ALKBH8: variants seen among roughly 807,000 people sequenced by gnomAD.
The protein encoded by ALKBH8 is tRNA (carboxymethyluridine(34)-5-O)-methyltransferase ALKBH8.
Under a neutral mutation model 59.8 loss-of-function variants are expected in ALKBH8, and 36 were observed. That is an observed-to-expected ratio of 0.60 (90% CI 0.46 to 0.79). ALKBH8 has a LOEUF of 0.79. ALKBH8 is among the 30% of genes least tolerant of loss of function. The pLI is 0.00. For synonymous variants in ALKBH8, 276 were observed against 273.6 expected (o/e 1.01, Z -0.09); for missense variants, 768 against 801.0 (o/e 0.96, Z 0.50).
intron 1 of ALKBH8, among the ~76,000 whole-genome samples, chr11:107,561,306 A>C (rs913851712): frequency 1.3e-5 from 2 of 152,162 alleles, no homozygotes; most frequent in Admixed American, 6.6e-5. Context: ...CAGACTCTAC[A>C]GTATGATTCC....
Position 107,556,801 on chromosome 11 carries a change from T to C in ALKBH8, c.332A>G (p.Gln111Arg). 1 of 1,427,450 alleles carries C rather than the reference T, an allele frequency of 7.0e-7. No homozygotes were observed. Among genetic ancestry groups the C allele is most frequent in the South Asian group, 1.7e-5 (1 of 58,964 alleles). The allele number at this position is 1,427,450 out of a possible 1,614,324, so 88.4% of individuals were successfully genotyped here. A position where few individuals can be genotyped will look rare whatever the true frequency, so the allele number is the denominator to read the frequency against. The change falls in exon 3 of 12, where the codon CAA (glutamine) becomes CGA (arginine). Residue 111 changes from glutamine to arginine, a missense_variant. Physicochemically the swap from Gln to Arg is conservative, Grantham distance 43. Coordinates refer to ENST00000428149, the MANE Select transcript of ALKBH8 (RefSeq NM_138775.3). ...NGKEVVDDLG[Q>R]KITLYLNFVE... Reference sequence around the variant, plus strand: ...AAAATTCAAATACAGAGTGATCTTTTGTCCTAAATCATCCACTACTTCTTT... The same window carrying C: ...AAAATTCAAATACAGAGTGATCTTTCGTCCTAAATCATCCACTACTTCTTT...
rs200920444 is a variant in ALKBH8 at position 107,556,863 on chromosome 11, T to C, written c.270A>G (p.Thr90=). The change falls in exon 3 of 12, where the codon ACA becomes ACG. Residue 90 remains threonine (T), a synonymous_variant. Coordinates refer to ENST00000428149, the MANE Select transcript of ALKBH8 (RefSeq NM_138775.3). ...KPYSFARYRT[T]EESKRAYVTL... ...TAACATAGGCTCTCTTAGATTCTTC[T>C]GTAGTTCTGTATCTTGCAAATGAGT... is the stretch of plus-strand genomic sequence containing the variant. 5.4e-5 allele frequency: 86 copies of C among 1,604,916 alleles called. No homozygotes were observed. In the Admixed American group the frequency reaches 1.1e-3, roughly 20 times the overall value.
intron 7 of ALKBH8, among the ~76,000 whole-genome samples, chr11:107,547,047 A>G (rs1416578043): frequency 6.6e-6 from 1 of 152,212 alleles, no homozygotes; most frequent in Non-Finnish European, 1.5e-5. Flanking sequence ...TATAACGTCA[A>G]TGACTTTAGC....
intron 7 of ALKBH8, among the ~76,000 whole-genome samples, chr11:107,544,937 T>TA (rs1261550641): frequency 2.1e-5 from 3 of 140,560 alleles, no homozygotes; most frequent in African/African-American, 5.3e-5. Context: ...AGAGACAGAG[T>TA]AAAAAAATCA....
chr11:107,539,643 T>C (rs1863959185), intron 7 of ALKBH8, among the ~76,000 whole-genome samples: 1 of 140,866 alleles, frequency 7.1e-6, no homozygotes. Context: ...CACAAACCTG[T>C]TTCCCTTCCC....
intron 7 of ALKBH8, among the ~76,000 whole-genome samples, chr11:107,538,454 G>A (rs1281807918): frequency 2.0e-5 from 3 of 152,104 alleles, no homozygotes; most frequent in African/African-American, 7.2e-5. Flanking sequence ...TCTGTTATGT[G>A]AAAATTTTGC....
At chr11:107,534,700 T>C (rs1863735786) in intron 7 of ALKBH8, among the ~76,000 whole-genome samples, 1 of 152,204 alleles carries the variant, frequency 6.6e-6, no homozygotes, top group South Asian at 2.1e-4. Context: ...AGGAAAAATA[T>C]ACAACCAAAT....
At chr11:107,558,352 C>A (rs1044655568) in intron 2 of ALKBH8, among the ~76,000 whole-genome samples, 1 of 152,194 alleles carries the variant, frequency 6.6e-6, no homozygotes, top group Non-Finnish European at 1.5e-5. Flanking sequence ...TAATACAATA[C>A]TATATGATAT....
intron 7 of ALKBH8, among the ~76,000 whole-genome samples, chr11:107,537,670 T>A (rs567840941): frequency 6.6e-6 from 1 of 151,256 alleles, no homozygotes; most frequent in South Asian, 2.1e-4. Context: ...TGTTTATCTA[T>A]GTAACAAACC....
At chr11:107,526,889 A>G (rs1863378760) in intron 8 of ALKBH8, among the ~76,000 whole-genome samples, 1 of 151,934 alleles carries the variant, frequency 6.6e-6, no homozygotes, top group African/African-American at 2.4e-5. Flanking sequence ...CCTTGTATGT[A>G]TGGAGTTATC....
chr11:107,552,804 C>G (rs2135575391), intron 5 of ALKBH8, among the ~76,000 whole-genome samples: 2 of 152,210 alleles, frequency 1.3e-5, no homozygotes, highest in Middle Eastern at 3.4e-3. Context: ...CTTATGAAAG[C>G]TAAAAACCAG....
At chr11:107,563,691 G>A (rs1320245020) in intron 1 of ALKBH8, 1 of 152,190 alleles carries the variant, frequency 6.6e-6, no homozygotes, top group Non-Finnish European at 1.5e-5. Context: ...TGGAGAACAA[G>A]GGATGACTGC....
rs906963620 is a variant in ALKBH8 at position 107,522,513 on chromosome 11, G to C, written c.1073C>G (p.Pro358Arg). Residue 358 changes from proline (P) to arginine (R), a missense_variant, in exon 10 of 12, where the codon CCC (proline) becomes CGC (arginine). By Grantham distance (103) the Pro-to-Arg change is moderately radical (BLOSUM62 -2). Coordinates refer to ENST00000428149, the MANE Select transcript of ALKBH8 (RefSeq NM_138775.3). ...VCDSQRKETP[P>R]SFPESDKEAS... ...TTCTTTATCACTCTCTGGAAATGAG[G>C]GGGGAGTCTCTTTCCTCTGGCTATC... 5 of 1,551,448 alleles carry C rather than the reference G, an allele frequency of 3.2e-6. No homozygotes were observed. Among genetic ancestry groups the C allele is most frequent in the African/African-American group, 2.7e-5 (2 of 73,024 alleles).
intron 10 of ALKBH8, among the ~76,000 whole-genome samples, chr11:107,516,782 A>G (rs578236411): frequency 1.3e-5 from 2 of 152,258 alleles, no homozygotes; most frequent in East Asian, 1.9e-4. Context: ...ACTTTGGGAG[A>G]CAAAGGTGGG....
chr11:107,541,488 G>A (rs56855488), intron 7 of ALKBH8, among the ~76,000 whole-genome samples: 2,148 of 152,198 alleles, frequency 0.014, 44 homozygotes, highest in African/African-American at 0.047. Flanking sequence ...TATTGCACTG[G>A]AATATTTAAT....
intron 11 of ALKBH8, among the ~76,000 whole-genome samples, chr11:107,505,620 GT>G (rs1395698606): frequency 6.6e-6 from 1 of 152,206 alleles, no homozygotes; most frequent in African/African-American, 2.4e-5. Flanking sequence ...CCTTGACGAA[GT>G]TGTTTGTATT....
At chr11:107,540,656 A>G (rs1847781498) in intron 7 of ALKBH8, among the ~76,000 whole-genome samples, 1 of 152,178 alleles carries the variant, frequency 6.6e-6, no homozygotes, top group African/African-American at 2.4e-5. Flanking sequence ...TTGAGCTCTC[A>G]CTTATATACC....
chr11:107,558,786 A>G (rs1864815937), intron 2 of ALKBH8, among the ~76,000 whole-genome samples: 1 of 152,252 alleles, frequency 6.6e-6, no homozygotes, highest in Non-Finnish European at 1.5e-5. Context: ...TTTTCTAAAT[A>G]AGGAGGAGTA....
chr11:107,544,475 G>A (rs573709135), intron 7 of ALKBH8, among the ~76,000 whole-genome samples: 2 of 152,184 alleles, frequency 1.3e-5, no homozygotes, highest in South Asian at 2.1e-4. Flanking sequence ...TGAAAGATGA[G>A]AAAATTACAT....
Sources: allele counts gnomAD v4.1 joint callset (sites outside exome capture counted in the v4.1 genomes callset), GRCh38; gene constraint gnomAD v4.1.1; transcripts MANE v1.5; gene names NCBI Gene and HGNC (gene_info 2026-07-23, HGNC 2026-07-21).